CEP78: variants seen among roughly 807,000 people sequenced by gnomAD.
CEP78 encodes centrosomal protein of 78 kDa.
CEP78 carries 76 observed loss-of-function variants against 81.2 expected under a neutral mutation model. That is an observed-to-expected ratio of 0.94 (90% confidence interval 0.78 to 1.13). The LOEUF is 1.13. Among genes scored for constraint, CEP78 ranks in the 50% most tolerant of loss-of-function variants. The pLI is 0.00. For synonymous variants in CEP78, 293 were observed against 301.4 expected, an observed-to-expected ratio of 0.97 and a Z score of 0.29; for missense variants, 918 against 846.8, an observed-to-expected ratio of 1.08 and a Z score of -1.04.
At chr9:78,248,010 A>G (rs1175874360) in intron 6 of CEP78, among the ~76,000 whole-genome samples, 2 of 152,200 alleles carry the variant, frequency 1.3e-5, no homozygotes, top group Non-Finnish European at 2.9e-5. Context: ...TTGATTTCCT[A>G]TTTAGAGGTA....
In CEP78 at chr9:78,269,240, AAAG is replaced by A. The variant is rs142432059; in HGVS notation, c.2108-1599_2108-1597del. The stretch of plus-strand genomic sequence containing the variant: ...GATTTGGTTATGGGAAGTAAGGAAA[AAAG>A]AGGCAGTGGGTGGACTTGTGTTTCT... On this transcript the variant is annotated intron_variant, in intron 16 of 16. Coordinates refer to ENST00000643273, the MANE Select transcript of CEP78 (RefSeq NM_001330691.3). Among the ~76,000 whole-genome samples, 8 of 152,272 alleles carry A rather than the reference AAAG, an allele frequency of 5.3e-5. No homozygotes were observed. In the East Asian group the frequency reaches 1.5e-3, roughly 29 times the overall value.
intron 11 of CEP78, among the ~76,000 whole-genome samples, chr9:78,257,412 T>C (rs1354978723): frequency 6.6e-6 from 1 of 152,162 alleles, no homozygotes; most frequent in Non-Finnish European, 1.5e-5. Context: ...TTTCTTGTTA[T>C]TTGAAAACAT....
chr9:78,264,449 T>TA (rs1236578839), intron 13 of CEP78, 133 bp downstream of exon 13: 10 of 620,222 alleles, frequency 1.6e-5, no homozygotes, highest in Non-Finnish European at 2.1e-5. Context: ...CTTGATTTTT[T>TA]AAATGTGGAA....
At position 78,279,685 on chromosome 9, in the gene CEP78, G is replaced by C. The variant is rs1362998255; in HGVS notation, c.*8834G>C. 3.3e-5 allele frequency: 5 copies of C among 152,194 alleles called. No homozygotes were observed. The highest frequency in any genetic ancestry group is 7.3e-5 in the Non-Finnish European group (5 of 68,048). 9.4% of individuals were successfully genotyped at this position (152,194 alleles called of 1,614,324 possible). A position where few individuals can be genotyped will look rare whatever the true frequency, so the allele number is the denominator to read the frequency against. On this transcript the variant is annotated 3_prime_UTR_variant, in exon 17 of 17. Coordinates refer to ENST00000643273, the MANE Select transcript of CEP78 (RefSeq NM_001330691.3). ...AACTATAATAAAAGAACAGAACTAT[G>C]TATCAGAGAGGCTGCAGGAGTGAGT...
intron 5 of CEP78, among the ~76,000 whole-genome samples, chr9:78,246,252 C>T (rs1826473941): frequency 1.3e-5 from 2 of 152,060 alleles, no homozygotes; most frequent in Non-Finnish European, 2.9e-5. Context: ...CATGAGTAGT[C>T]TTGGGCAGGA....
In CEP78 at chr9:78,271,609, G is replaced by A. The variant is rs1046718973; in HGVS notation, c.*758G>A. 2.6e-5 allele frequency: 4 copies of A among 152,048 alleles called. No homozygotes were observed. Among genetic ancestry groups the A allele is most frequent in the Non-Finnish European group, 2.9e-5 (2 of 68,012 alleles). 9.4% of individuals were successfully genotyped at this position (152,048 alleles called of 1,614,324 possible). The stretch of plus-strand genomic sequence containing the variant: ...TGGAAGGTATTAATTGGTCTTAGAC[G>A]TTTCATCAGCAACTTAATTACTTAG... On this transcript the variant is annotated 3_prime_UTR_variant, in exon 17 of 17. Coordinates refer to ENST00000643273, the MANE Select transcript of CEP78 (RefSeq NM_001330691.3).
At chr9:78,266,842 C>CGCA (rs1472237692) in intron 16 of CEP78, 139 bp downstream of exon 16, 6 of 1,452,422 alleles carry the variant, frequency 4.1e-6, no homozygotes, top group Non-Finnish European at 4.5e-6. Context: ...AAAAGTAGGT[C>CGCA]TTTGAAAAAA....
Position 78,279,105 on chromosome 9 carries a change from G to A in CEP78, c.*8254G>A, listed in dbSNP as rs1043958533. The A allele has an allele frequency of 6.7e-6, 1 of 148,594 alleles. No homozygotes were observed. The highest frequency in any genetic ancestry group is 2.5e-5 in the African/African-American group (1 of 39,960). 9.2% of individuals were successfully genotyped at this position (148,594 alleles called of 1,614,324 possible). Reference sequence around the variant, plus strand: ...AGGCAACCTTGGTAGTTTAGAAATAGATAAGGACCCACTTATAGATTAAAT... The same window carrying A: ...AGGCAACCTTGGTAGTTTAGAAATAAATAAGGACCCACTTATAGATTAAAT... On this transcript the variant is annotated 3_prime_UTR_variant, in exon 17 of 17. Transcript: ENST00000643273.
chr9:78,240,002 T>C, intron 1 of CEP78, 21 bp from the exon 2 acceptor site: 1 of 1,540,516 alleles, frequency 6.5e-7, no homozygotes, highest in Non-Finnish European at 8.7e-7. Context: ...AGTCACTAAC[T>C]TTCTTTTATC....
rs756227232 is a variant in CEP78, at chr9:78,236,652, G to GT, written c.253+54dup. The GT allele has an allele frequency of 4.0e-5, 61 of 1,509,768 alleles. 1 individual carries two copies. The African/African-American group carries it at 7.9e-4, about 19-fold the overall frequency. 93.5% of individuals were successfully genotyped at this position (1,509,768 alleles called of 1,614,324 possible). On this transcript the variant is annotated intron_variant, in intron 1 of 16. Transcript: ENST00000643273. The stretch of plus-strand genomic sequence containing the variant: ...CCCCTCAGTCGGTGCGGCGAAGTGG[G>GT]TTTTTAGGTGAGTGGTGTCCATTGT...
chr9:78,270,818 A>G, intron 16 of CEP78, 23 bp from the exon 17 acceptor site: 1 of 686,246 alleles, frequency 1.5e-6, no homozygotes, highest in Non-Finnish European at 2.7e-6. Context: ...TGGATGACTG[A>G]ACACATTCTT....
In CEP78 at chr9:78,271,442, G is replaced by T. The variant is rs1326011952; in HGVS notation, c.*591G>T. The stretch of plus-strand genomic sequence containing the variant: ...ATCAAAATCTTCAGCAATTCATAAA[G>T]ATACTGTGTTCATAAAGAATAGGAT... On this transcript the variant is annotated 3_prime_UTR_variant, in exon 17 of 17. Coordinates refer to ENST00000643273, the MANE Select transcript of CEP78 (RefSeq NM_001330691.3). The T allele has an allele frequency of 6.6e-6, 1 of 152,060 alleles. No homozygotes were observed. The highest frequency in any genetic ancestry group is 1.5e-5 in the Non-Finnish European group (1 of 68,000). 9.4% of individuals were successfully genotyped at this position (152,060 alleles called of 1,614,324 possible).
intron 11 of CEP78, among the ~76,000 whole-genome samples, chr9:78,258,060 C>T (rs1827120829): frequency 6.6e-6 from 1 of 152,226 alleles, no homozygotes; most frequent in African/African-American, 2.4e-5. Context: ...TATCAATTTG[C>T]ATGTGATAGC....
intron 11 of CEP78, among the ~76,000 whole-genome samples, chr9:78,257,739 A>C (rs1014075318): frequency 1.3e-5 from 2 of 152,250 alleles, no homozygotes; most frequent in East Asian, 3.9e-4. Context: ...AAAAAAATCC[A>C]CTTGAGCTTG....
intron 3 of CEP78, 41 bp from the exon 4 acceptor site, chr9:78,241,655 G>T (rs762823897): frequency 1.5e-5 from 14 of 906,242 alleles, no homozygotes; most frequent in Non-Finnish European, 2.5e-5. Flanking sequence ...GGTTGTATAT[G>T]CTCTTCATCT....
At chr9:78,256,899 A>T (rs1448547175) in intron 11 of CEP78, among the ~76,000 whole-genome samples, 1 of 152,242 alleles carries the variant, frequency 6.6e-6, no homozygotes, top group Middle Eastern at 3.2e-3. Context: ...AAAAAGGAAT[A>T]GCAGAAAGCA....
intron 16 of CEP78, 131 bp from the exon 17 acceptor site, chr9:78,270,710 C>A: frequency 1.8e-6 from 1 of 542,578 alleles, no homozygotes; most frequent in Non-Finnish European, 3.2e-6. Context: ...TCTCTAATCT[C>A]AAGACAGTAA....
chr9:78,250,360 C>T (rs910167847), intron 8 of CEP78: 1 of 397,238 alleles, frequency 2.5e-6, no homozygotes, highest in African/African-American at 2.1e-5. Context: ...ATTCATATTG[C>T]AATTACGTGT....
intron 10 of CEP78, 157 bp downstream of exon 10, chr9:78,253,434 A>G (rs1826860785): frequency 3.3e-6 from 2 of 601,216 alleles, no homozygotes; most frequent in South Asian, 2.0e-5. Flanking sequence ...GTGCCACAGT[A>G]TAGGCGTGTG....
Sources: gnomAD v4.1 joint callset for allele counts (sites outside exome capture counted in the v4.1 genomes callset) on GRCh38, gnomAD v4.1.1 for gene constraint, MANE v1.5 for transcripts, NCBI Gene and HGNC (gene_info 2026-07-23, HGNC 2026-07-21) for gene names.